KCNH1: variants seen among roughly 807,000 people sequenced by gnomAD.
KCNH1 encodes the protein potassium voltage-gated channel subfamily H member 1.
A neutral mutation model predicts 69.2 loss-of-function variants in KCNH1; 27 were observed. That is an observed-to-expected ratio of 0.39 (90% CI 0.29 to 0.54). KCNH1 has a LOEUF of 0.54. Ranked by LOEUF, KCNH1 falls within the 20% of genes least tolerant of loss-of-function variation. KCNH1 has a pLI of 0.68. For missense variants in KCNH1, 798 were observed against 1,261.6 expected, an observed-to-expected ratio of 0.63 and a Z score of 5.57; for synonymous variants, 456 against 487.7, an observed-to-expected ratio of 0.93 and a Z score of 0.86.
chr1:210,835,395 T>G (rs1375293214), intron 7 of KCNH1, among the ~76,000 whole-genome samples: 1 of 152,236 alleles, frequency 6.6e-6, no homozygotes, highest in Non-Finnish European at 1.5e-5. Flanking sequence ...CACTAACCTA[T>G]ATGGATTCAA....
intron 7 of KCNH1, among the ~76,000 whole-genome samples, chr1:210,918,418 C>G (rs952185893): frequency 6.6e-6 from 1 of 152,224 alleles, no homozygotes; most frequent in Non-Finnish European, 1.5e-5. Context: ...GAAGTGCCCA[C>G]AGCATGCACT....
At position 210,678,837 on chromosome 1, in the gene KCNH1, C is replaced by T. The variant is rs544130908; in HGVS notation, c.*4444G>A. ...CTTCTCATTGAACAACTAATGGATCCGTCGGATGACTCAGAAGTCACAGAT... is the reference window on the plus strand; with the variant it reads ...CTTCTCATTGAACAACTAATGGATCTGTCGGATGACTCAGAAGTCACAGAT... On this transcript the variant is annotated 3_prime_UTR_variant, in exon 11 of 11. Transcript: ENST00000271751. The T allele has an allele frequency of 1.3e-5, 2 of 152,044 alleles. No individual in the cohort carries two copies. The highest frequency in any genetic ancestry group is 2.9e-5 in the Non-Finnish European group (2 of 68,032). 9.4% of individuals were successfully genotyped at this position (152,044 alleles called of 1,614,324 possible). A position where few individuals can be genotyped will look rare whatever the true frequency, so the allele number is the denominator to read the frequency against.
intron 7 of KCNH1, among the ~76,000 whole-genome samples, chr1:210,894,801 C>T (rs565276473): frequency 3.3e-5 from 5 of 152,310 alleles, no homozygotes; most frequent in African/African-American, 9.6e-5. Flanking sequence ...CAGCACCATG[C>T]TCTTGGGCTT....
intron 9 of KCNH1, among the ~76,000 whole-genome samples, chr1:210,783,738 A>C (rs564863301): frequency 2.6e-5 from 4 of 152,314 alleles, no homozygotes; most frequent in African/African-American, 9.6e-5. Flanking sequence ...TTGCCACACC[A>C]GCCCTCTTAC....
chr1:210,864,537 A>G (rs573560008), intron 7 of KCNH1, among the ~76,000 whole-genome samples: 1 of 152,332 alleles, frequency 6.6e-6, no homozygotes, highest in Admixed American at 6.5e-5. Context: ...GCTCACAGTA[A>G]ACACTCAACG....
intron 7 of KCNH1, among the ~76,000 whole-genome samples, chr1:210,874,488 T>G (rs756362734): frequency 6.6e-6 from 1 of 152,112 alleles, no homozygotes; most frequent in African/African-American, 2.4e-5. Context: ...CCAGAATAAC[T>G]CTCTCAAAGG....
At chr1:211,126,140 G>A (rs552657905) in intron 1 of KCNH1, among the ~76,000 whole-genome samples, 2 of 151,976 alleles carry the variant, frequency 1.3e-5, no homozygotes, top group Non-Finnish European at 2.9e-5. Flanking sequence ...TGAGGCAGGT[G>A]GATCACTTGA....
intron 7 of KCNH1, among the ~76,000 whole-genome samples, chr1:210,812,389 A>G (rs1481417664): frequency 1.3e-5 from 2 of 152,208 alleles, no homozygotes; most frequent in Non-Finnish European, 1.5e-5. Context: ...ATAGATGCCA[A>G]CAGGCAAAAC....
At chr1:210,956,878 G>C (rs901735195) in intron 6 of KCNH1, among the ~76,000 whole-genome samples, 2 of 151,900 alleles carry the variant, frequency 1.3e-5, no homozygotes, top group Non-Finnish European at 2.9e-5. Context: ...TGGATTCATT[G>C]ATTTTTTTGA....
intron 6 of KCNH1, among the ~76,000 whole-genome samples, chr1:210,996,505 C>T (rs1689043447): frequency 6.6e-6 from 1 of 152,216 alleles, no homozygotes; most frequent in African/African-American, 2.4e-5. Flanking sequence ...CTGGGTGGAG[C>T]CCACCACAGC....
chr1:210,709,179 G>A (rs1681991359), intron 10 of KCNH1, among the ~76,000 whole-genome samples: 1 of 152,206 alleles, frequency 6.6e-6, no homozygotes, highest in South Asian at 2.1e-4. Flanking sequence ...AACCCAGGAG[G>A]CAGAGGTTGT....
At position 210,948,569 on chromosome 1, in the gene KCNH1, C is replaced by T. The variant is rs565629868; in HGVS notation, c.1033-28500G>A. 2.0e-5 allele frequency among the ~76,000 whole-genome samples: 3 copies of T among 152,026 alleles called. No homozygotes were observed. The South Asian group carries it at 6.2e-4, about 32-fold the overall frequency. Reference sequence around the variant, plus strand: ...TGGAGGTGGGGCACAGTGGCTCACACCTGTAATCCCAGCACTTTGGGAGGC... The same window carrying T: ...TGGAGGTGGGGCACAGTGGCTCACATCTGTAATCCCAGCACTTTGGGAGGC... On this transcript the variant is annotated intron_variant, in intron 6 of 10. Transcript: ENST00000271751.
At chr1:210,702,571 TTA>T (rs1413775313) in intron 10 of KCNH1, among the ~76,000 whole-genome samples, 1 of 152,246 alleles carries the variant, frequency 6.6e-6, no homozygotes, top group Non-Finnish European at 1.5e-5. Context: ...TATATGGACT[TTA>T]TGTCTTTAAT....
chr1:210,743,073 G>T (rs1231945204), intron 10 of KCNH1, among the ~76,000 whole-genome samples: 3 of 152,162 alleles, frequency 2.0e-5, no homozygotes, highest in Non-Finnish European at 4.4e-5. Flanking sequence ...AAATTAAACA[G>T]GCTACTTCAC....
At chr1:210,923,033 G>C (rs1296626303) in intron 6 of KCNH1, among the ~76,000 whole-genome samples, 1 of 151,752 alleles carries the variant, frequency 6.6e-6, no homozygotes, top group Admixed American at 6.6e-5. Flanking sequence ...AACCTAGTAT[G>C]TACTCTTTGT....
At chr1:210,780,891 C>CA (rs1384340934) in intron 9 of KCNH1, among the ~76,000 whole-genome samples, 1 of 151,928 alleles carries the variant, frequency 6.6e-6, no homozygotes, top group Non-Finnish European at 1.5e-5. Flanking sequence ...ACTAAAAATA[C>CA]AAAAAATTAG....
At chr1:210,707,591 C>T (rs1378485861) in intron 10 of KCNH1, among the ~76,000 whole-genome samples, 4 of 152,178 alleles carry the variant, frequency 2.6e-5, no homozygotes, top group Non-Finnish European at 5.9e-5. Flanking sequence ...AGTGTTCAGC[C>T]AGGAAGCCGG....
chr1:210,920,198 A>T (rs1404554868), intron 6 of KCNH1, 129 bp from the exon 7 acceptor site: 1 of 739,770 alleles, frequency 1.4e-6, no homozygotes, highest in Non-Finnish European at 2.1e-6. Context: ...GCAACCCTTA[A>T]AAAAAGTAAA....
chr1:210,932,286 T>C (rs956540391), intron 6 of KCNH1, among the ~76,000 whole-genome samples: 1 of 151,848 alleles, frequency 6.6e-6, no homozygotes, highest in South Asian at 2.1e-4. Context: ...CTTAACAGAG[T>C]CCAATATCTA....
Sources: allele counts gnomAD v4.1 joint callset (sites outside exome capture counted in the v4.1 genomes callset), GRCh38; gene constraint gnomAD v4.1.1; transcripts MANE v1.5; gene names NCBI Gene and HGNC (gene_info 2026-07-23, HGNC 2026-07-21).